OTUD7A: variants seen among roughly 807,000 people sequenced by gnomAD.
OTUD7A encodes OTU domain-containing protein 7A.
A neutral mutation model predicts 65.7 loss-of-function variants in OTUD7A; 12 were observed. The ratio of observed to expected loss-of-function variants is 0.18; its 90% CI spans 0.12 to 0.30. OTUD7A has a LOEUF of 0.30. OTUD7A is among the 10% of genes least tolerant of loss of function. The pLI is 1.00. For missense variants in OTUD7A, 1,148 were observed against 1,304.8 expected (o/e 0.88, Z 1.85); for synonymous variants, 641 against 586.3 (o/e 1.09, Z -1.35).
At chr15:31,602,727 C>A (rs1890117001) in intron 3 of OTUD7A, among the ~76,000 whole-genome samples, 1 of 152,182 alleles carries the variant, frequency 6.6e-6, no homozygotes, top group South Asian at 2.1e-4. Context: ...CCCTAAATCT[C>A]CTTAAGCTGA....
In OTUD7A at chr15:31,475,904, G is replaced by A. The variant is rs2041009686; in HGVS notation, c.*7390C>T. On this transcript the variant is annotated 3_prime_UTR_variant, in exon 13 of 13. Transcript: ENST00000307050. ...GTCAAAGAAACCAAAAAAGAAAAAA[G>A]AGGAACATTCACTGACTTCATTAGG... 2.0e-5 allele frequency: 3 copies of A among 152,222 alleles called. No individual in the cohort carries two copies. The allele number at this position is 152,222 out of a possible 1,614,324, so 9.4% of individuals were successfully genotyped here. A position where few individuals can be genotyped will look rare whatever the true frequency, so the allele number is the denominator to read the frequency against.
At chr15:31,778,778 ACAC>A (rs1895459464) in intron 1 of OTUD7A, among the ~76,000 whole-genome samples, 1 of 152,104 alleles carries the variant, frequency 6.6e-6, no homozygotes, top group Non-Finnish European at 1.5e-5. Flanking sequence ...ACACACACAC[ACAC>A]CGAGTGGGGG....
At chr15:31,757,704 A>G (rs1894854753) in intron 1 of OTUD7A, among the ~76,000 whole-genome samples, 1 of 152,226 alleles carries the variant, frequency 6.6e-6, no homozygotes, top group Non-Finnish European at 1.5e-5. Flanking sequence ...AATGTCAATT[A>G]CATTTCAAAG....
At chr15:31,668,891 C>T (rs867873784) in intron 1 of OTUD7A, among the ~76,000 whole-genome samples, 2 of 152,176 alleles carry the variant, frequency 1.3e-5, no homozygotes, top group Non-Finnish European at 2.9e-5. Context: ...TGGCTTCCTG[C>T]CAGCCAAACT....
At chr15:31,571,914 C>G (rs1889066034) in intron 3 of OTUD7A, among the ~76,000 whole-genome samples, 1 of 152,142 alleles carries the variant, frequency 6.6e-6, no homozygotes, top group Non-Finnish European at 1.5e-5. Flanking sequence ...ACTTCCTCTT[C>G]TGCACCCTGG....
At chr15:31,638,873 G>A (rs761825276) in intron 3 of OTUD7A, among the ~76,000 whole-genome samples, 39 of 152,056 alleles carry the variant, frequency 2.6e-4, no homozygotes, top group Non-Finnish European at 4.4e-4. Flanking sequence ...GGTCGCTCAC[G>A]CCTATAATCC....
At chr15:31,807,185 C>T (rs1430395144) in intron 1 of OTUD7A, among the ~76,000 whole-genome samples, 2 of 151,800 alleles carry the variant, frequency 1.3e-5, no homozygotes, top group East Asian at 2.0e-4. Flanking sequence ...GTCAATAACA[C>T]CGTTCCCATT....
chr15:31,492,700 C>G (rs1444502742), intron 10 of OTUD7A, among the ~76,000 whole-genome samples: 2 of 151,664 alleles, frequency 1.3e-5, no homozygotes, highest in Admixed American at 6.6e-5. Context: ...AAAACGGAAC[C>G]ATTAAAAAGC....
intron 1 of OTUD7A, among the ~76,000 whole-genome samples, chr15:31,731,789 A>G (rs572410325): frequency 2.6e-5 from 4 of 152,268 alleles, no homozygotes; most frequent in African/African-American, 9.6e-5. Context: ...GGAGGAGTCT[A>G]TGCATGTGTG....
intron 7 of OTUD7A, among the ~76,000 whole-genome samples, chr15:31,526,801 TG>T (rs1289541334): frequency 6.6e-6 from 1 of 152,144 alleles, no homozygotes; most frequent in African/African-American, 2.4e-5. Flanking sequence ...TTACCATGGT[TG>T]GGGACAATCG....
intron 1 of OTUD7A, among the ~76,000 whole-genome samples, chr15:31,860,677 G>GTGTATATATATATATGTA (rs560896384): frequency 1.4e-5 from 1 of 73,284 alleles, no homozygotes; most frequent in Non-Finnish European, 2.6e-5. Flanking sequence ...ATGTATGTGT[G>GTGTATATATATATATGTA]TATATATATA....
At position 31,475,439 on chromosome 15, in the gene OTUD7A, C is replaced by T. The variant is rs1436521559; in HGVS notation, c.*7855G>A. ...TAATTTTATTGAGTAGGCATCAAAG[C>T]TTCTCTCTGTGTCAGGTAATGGAGA... On this transcript the variant is annotated 3_prime_UTR_variant, in exon 13 of 13. Coordinates refer to ENST00000307050, the MANE Select transcript of OTUD7A (RefSeq NM_001382637.1). The T allele has an allele frequency of 1.3e-5, 2 of 152,170 alleles. No individual in the cohort carries two copies. Among genetic ancestry groups the T allele is most frequent in the Non-Finnish European group, 2.9e-5 (2 of 68,030 alleles). 9.4% of individuals were successfully genotyped at this position (152,170 alleles called of 1,614,324 possible).
chr15:31,572,542 AT>A (rs1184431887), intron 3 of OTUD7A, among the ~76,000 whole-genome samples: 1 of 152,002 alleles, frequency 6.6e-6, no homozygotes, highest in Non-Finnish European at 1.5e-5. Context: ...AAATCATTTG[AT>A]TTTTTTTCAT....
intron 3 of OTUD7A, among the ~76,000 whole-genome samples, chr15:31,574,314 G>A (rs1304075150): frequency 6.6e-6 from 1 of 152,078 alleles, no homozygotes; most frequent in Non-Finnish European, 1.5e-5. Context: ...TAGAAACTAT[G>A]ACAGAACTAA....
At chr15:31,698,609 GC>G (rs1893139419) in intron 1 of OTUD7A, among the ~76,000 whole-genome samples, 1 of 151,236 alleles carries the variant, frequency 6.6e-6, no homozygotes, top group Non-Finnish European at 1.5e-5. Flanking sequence ...CGAGGCCTGG[GC>G]CCCAGCCTCT....
intron 1 of OTUD7A, among the ~76,000 whole-genome samples, chr15:31,839,187 GT>G (rs1256778624): frequency 1.3e-5 from 2 of 152,328 alleles, no homozygotes; most frequent in African/African-American, 2.4e-5. Flanking sequence ...GGGCACCCTC[GT>G]CCTGGCCAGC....
chr15:31,634,313 G>A (rs12912683), intron 3 of OTUD7A, among the ~76,000 whole-genome samples: 25,816 of 152,110 alleles, frequency 0.17, 2,430 homozygotes, highest in East Asian at 0.25. Flanking sequence ...CTCTGCCACT[G>A]CTGACAAAAG....
intron 1 of OTUD7A, among the ~76,000 whole-genome samples, chr15:31,792,233 C>T (rs1001116102): frequency 2.0e-5 from 3 of 152,188 alleles, no homozygotes; most frequent in African/African-American, 2.4e-5. Context: ...TGTCTGGCTG[C>T]CTGAATGTGT....
At chr15:31,854,089 G>A (rs534021664) in intron 1 of OTUD7A, among the ~76,000 whole-genome samples, 36 of 152,228 alleles carry the variant, frequency 2.4e-4, no homozygotes, top group Non-Finnish European at 2.2e-4. Context: ...TTTGAAAGTC[G>A]GAAATCTAAA....
Sources: gnomAD v4.1 joint callset for allele counts (sites outside exome capture counted in the v4.1 genomes callset) on GRCh38, gnomAD v4.1.1 for gene constraint, MANE v1.5 for transcripts, NCBI Gene and HGNC (gene_info 2026-07-23, HGNC 2026-07-21) for gene names.